OAS1: variants seen among roughly 807,000 people sequenced by gnomAD.
OAS1 encodes 2'-5'-oligoadenylate synthetase 1, also known as 2'-5'-oligoadenylate synthase 1.
In OAS1, 24 loss-of-function variants were observed where a neutral mutation model predicts 38.5. That is an observed-to-expected ratio of 0.62 (90% CI 0.45 to 0.88). The LOEUF is 0.88. OAS1 is among the 40% of genes least tolerant of loss of function. The probability of loss-of-function intolerance (pLI) is 0.00; values close to 1 mark genes in which losing one functional copy is unlikely to be tolerated. For missense variants in OAS1, 482 were observed against 493.9 expected (o/e 0.98, Z 0.23); for synonymous variants, 169 against 193.9 (o/e 0.87, Z 1.07).
intron 5 of OAS1, chr12:112,918,904 G>C (rs2043500083): frequency 3.8e-6 from 1 of 265,016 alleles, no homozygotes; most frequent in African/African-American, 2.2e-5. Context: ...CAGACTCCAG[G>C]ATGGAATTTA....
chr12:112,913,866 A>G (rs2043418087), intron 3 of OAS1, among the ~76,000 whole-genome samples: 1 of 152,192 alleles, frequency 6.6e-6, no homozygotes, highest in Non-Finnish European at 1.5e-5. Flanking sequence ...ATGTGTATAC[A>G]TATATGGCTC....
Position 112,919,616 on chromosome 12 carries a change from G to T in OAS1, c.*63G>T. On this transcript the variant is annotated 3_prime_UTR_variant, in exon 6 of 6. Transcript: ENST00000202917. ...TCTGGACCAGTTCCTTCATTTTCAG[G>T]TGGGACTCTTGATCCAGAGAGGACA... The T allele has an allele frequency of 6.2e-7, 1 of 1,613,388 alleles. No homozygotes were observed. The highest frequency in any genetic ancestry group is 2.2e-5 in the East Asian group (1 of 44,852).
At chr12:112,923,773 C>T (rs986026189), downstream of OAS1, among the ~76,000 whole-genome samples, 2 of 152,124 alleles carry the variant, frequency 1.3e-5, no homozygotes, top group Non-Finnish European at 2.9e-5. Flanking sequence ...TACGTGGCCA[C>T]CTGATCTTTG....
At chr12:112,928,899 C>G in intron 6 of OAS1, among the ~76,000 whole-genome samples, 1 of 152,210 alleles carries the variant, frequency 6.6e-6, no homozygotes, top group East Asian at 1.9e-4. Flanking sequence ...GTGGCGCTTT[C>G]TCTTGAGGAT....
chr12:112,923,753 G>C (rs993306867), downstream of OAS1, among the ~76,000 whole-genome samples: 6 of 152,116 alleles, frequency 3.9e-5, no homozygotes, highest in African/African-American at 1.4e-4. Flanking sequence ...TTTGTTGCCT[G>C]TGCTTTGCAT....
intron 6 of OAS1, among the ~76,000 whole-genome samples, chr12:112,930,246 C>A (rs1444772508): frequency 6.6e-6 from 1 of 152,158 alleles, no homozygotes; most frequent in East Asian, 1.9e-4. Flanking sequence ...GACGTCAGTA[C>A]CATGCTTCCT....
rs1402658444 is a variant in OAS1 at position 112,907,004 on chromosome 12, T to G, written c.-36T>G. 1 of 1,611,716 alleles carries G rather than the reference T, an allele frequency of 6.2e-7. No homozygotes were observed. The highest frequency in any genetic ancestry group is 1.1e-5 in the South Asian group (1 of 90,962). Reference sequence around the variant, plus strand: ...CAGAAGAGATAAAAGCAAACAGGTCTGGGAGGCAGTTCTGTTGCCACTCTC... The same window carrying G: ...CAGAAGAGATAAAAGCAAACAGGTCGGGGAGGCAGTTCTGTTGCCACTCTC... On this transcript the variant is annotated 5_prime_UTR_variant, in exon 1 of 6. Coordinates refer to ENST00000202917, the MANE Select transcript of OAS1 (RefSeq NM_016816.4).
Position 112,919,783 on chromosome 12 carries a change from A to G in OAS1, c.*230A>G. 1 of 1,416,130 alleles carries G rather than the reference A, an allele frequency of 7.1e-7. No homozygotes were observed. The highest frequency in any genetic ancestry group is 1.5e-5 in the South Asian group (1 of 65,816). The allele number at this position is 1,416,130 out of a possible 1,614,324, so 87.7% of individuals were successfully genotyped here. A position where few individuals can be genotyped will look rare whatever the true frequency, so the allele number is the denominator to read the frequency against. On this transcript the variant is annotated 3_prime_UTR_variant, in exon 6 of 6. Transcript: ENST00000202917. ...ACCTATTCTCTGAAAATATTCCCTG[A>G]GAGAGAACAGAGAGATTTAGATAAG...
At chr12:112,926,168 G>GCCTC (rs1168495184) in intron 6 of OAS1, among the ~76,000 whole-genome samples, 7 of 152,272 alleles carry the variant, frequency 4.6e-5, no homozygotes, top group African/African-American at 1.7e-4. Flanking sequence ...CCTGTGGGGG[G>GCCTC]TAATGGCCAG....
At chr12:112,907,509 G>C (rs190396931) in intron 1 of OAS1, 3 of 336,524 alleles carry the variant, frequency 8.9e-6, no homozygotes, top group East Asian at 4.7e-5. Context: ...TTCAGAAATA[G>C]GGAACTGAAT....
In OAS1 at chr12:112,911,103, C is replaced by G; in HGVS notation, c.522C>G (p.Ile174Met). The G allele has an allele frequency of 6.2e-7, 1 of 1,614,026 alleles. No individual in the cohort carries two copies. Among genetic ancestry groups the G allele is most frequent in the Non-Finnish European group, 8.5e-7 (1 of 1,179,996 alleles). ...KPNPQIYVKL[I>M]EECTDLQKEG... ...ACCCCCAAATCTATGTCAAGCTCAT[C>G]GAGGAGTGCACCGACCTGCAGAAAG... The change falls in exon 3 of 6, where the codon ATC becomes ATG. Residue 174 changes from isoleucine (I) to methionine (M), a missense_variant. Physicochemically the swap from Ile to Met is conservative, Grantham distance 10 (BLOSUM62 1). Coordinates refer to ENST00000202917, the MANE Select transcript of OAS1 (RefSeq NM_016816.4).
Position 112,926,379 on chromosome 12 carries a change from G to A in OAS1, c.1168-5499G>A, listed in dbSNP as rs113966845. Among the ~76,000 whole-genome samples, 14 of 152,298 alleles carry A rather than the reference G, an allele frequency of 9.2e-5. 1 individual carries two copies. The highest frequency in any genetic ancestry group is 1.7e-4 in the African/African-American group (7 of 41,576). On this transcript the variant is annotated intron_variant, in intron 6 of 6. Coordinates refer to the OAS1 transcript ENST00000540589. ...ACTGTATCGGGGGAAACCAGCCCCC[G>A]ATATTTCAATGTAGGTTCTTTTCTA...
At chr12:112,912,204 A>T (rs1268481759) in intron 3 of OAS1, among the ~76,000 whole-genome samples, 1 of 152,136 alleles carries the variant, frequency 6.6e-6, no homozygotes, top group African/African-American at 2.4e-5. Context: ...GCCAGGTGTG[A>T]TGGTGAGCAC....
chr12:112,926,858 G>A (rs1258781618), intron 6 of OAS1, among the ~76,000 whole-genome samples: 1 of 152,170 alleles, frequency 6.6e-6, no homozygotes, highest in African/African-American at 2.4e-5. Context: ...AACTGGATAA[G>A]GCAGACACCC....
intron 6 of OAS1, among the ~76,000 whole-genome samples, chr12:112,929,125 T>A (rs1253361321): frequency 6.6e-6 from 1 of 152,220 alleles, no homozygotes; most frequent in African/African-American, 2.4e-5. Flanking sequence ...ATGCCAGAAT[T>A]GTCACCCATG....
At chr12:112,919,933 C>A, downstream of OAS1, 1 of 516,974 alleles carries the variant, frequency 1.9e-6, no homozygotes, top group South Asian at 2.5e-5. Flanking sequence ...CTTCAAGGCA[C>A]AGAGCCAAGA....
downstream of OAS1, among the ~76,000 whole-genome samples, chr12:112,921,210 C>T (rs1176171551): frequency 6.6e-6 from 1 of 152,216 alleles, no homozygotes; most frequent in Non-Finnish European, 1.5e-5. Flanking sequence ...AAAACCCTCA[C>T]AGATACACCT....
chr12:112,914,127 A>G (rs1011308069), intron 3 of OAS1, among the ~76,000 whole-genome samples: 2 of 152,168 alleles, frequency 1.3e-5, no homozygotes, highest in Non-Finnish European at 2.9e-5. Context: ...CCCATGTATC[A>G]TTCTTATGCC....
At chr12:112,914,438 T>C (rs2043426448) in intron 3 of OAS1, among the ~76,000 whole-genome samples, 1 of 152,240 alleles carries the variant, frequency 6.6e-6, no homozygotes. Context: ...AATGACTTCT[T>C]TTCCTCTGGG....
Sources: gnomAD v4.1 joint callset for allele counts (sites outside exome capture counted in the v4.1 genomes callset) on GRCh38, gnomAD v4.1.1 for gene constraint, MANE v1.5 for transcripts, NCBI Gene and HGNC (gene_info 2026-07-23, HGNC 2026-07-21) for gene names.